The following KIFBP variants were observed in gnomAD, a reference collection of about 807,000 sequenced individuals.
KIFBP encodes the protein KIF-binding protein.
KIFBP carries 46 observed loss-of-function variants against 58.9 expected under a neutral mutation model. The ratio of observed to expected loss-of-function variants is 0.78; its 90% CI spans 0.62 to 1.00. KIFBP has a LOEUF of 1.00. KIFBP is among the 50% of genes least tolerant of loss of function. The probability of loss-of-function intolerance (pLI) is 0.00; values close to 1 mark genes in which losing one functional copy is unlikely to be tolerated. For synonymous variants in KIFBP, 241 were observed against 283.4 expected (o/e 0.85, Z 1.50); for missense variants, 651 against 752.9 (o/e 0.86, Z 1.58).
At chr10:69,001,548 A>T (rs1232274706) in intron 2 of KIFBP, among the ~76,000 whole-genome samples, 1 of 152,064 alleles carries the variant, frequency 6.6e-6, no homozygotes, top group Admixed American at 6.6e-5. Context: ...TGAGATCAGG[A>T]ATTCGAGACC....
rs1409791144 is a variant in KIFBP, at chr10:69,005,717, A to AT, written c.606-9dup. ...TAAACCATTACACAAATATTGGTTT[A>AT]TTTTTTCTTTACAGATTTGAAAAGG... On this transcript the variant is annotated splice_polypyrimidine_tract_variant and intron_variant, in intron 3 of 6. Transcript: ENST00000361983. The AT allele has an allele frequency of 4.5e-6, 7 of 1,571,088 alleles. No individual in the cohort carries two copies. Among genetic ancestry groups the AT allele is most frequent in the South Asian group, 1.1e-5 (1 of 89,614 alleles).
intron 1 of KIFBP, among the ~76,000 whole-genome samples, chr10:68,999,254 C>T (rs1018874329): frequency 6.6e-6 from 1 of 151,112 alleles, no homozygotes; most frequent in East Asian, 2.0e-4. Context: ...CACGCCACCA[C>T]TCCTGGCTAA....
At chr10:69,012,889 A>G (rs779590789) in intron 6 of KIFBP, among the ~76,000 whole-genome samples, 11 of 151,904 alleles carry the variant, frequency 7.2e-5, no homozygotes, top group Non-Finnish European at 1.5e-5. Context: ...CAAAAGAACT[A>G]CCTGAGACTG....
intron 4 of KIFBP, among the ~76,000 whole-genome samples, chr10:69,008,391 A>AATATATATATATATAT (rs1173764355): frequency 1.4e-4 from 10 of 71,568 alleles, no homozygotes; most frequent in African/African-American, 6.2e-4. Context: ...AAAAAAAAAA[A>AATATATATATATATAT]ATATATATAT....
At chr10:69,015,015 T>C (rs1242133465) in intron 6 of KIFBP, among the ~76,000 whole-genome samples, 3 of 152,048 alleles carry the variant, frequency 2.0e-5, no homozygotes, top group Non-Finnish European at 4.4e-5. Context: ...CTCTGCCTCC[T>C]GGGTTCAAGC....
At position 69,015,549 on chromosome 10, in the gene KIFBP, A is replaced by G; in HGVS notation, c.999A>G (p.Ile333Met). ...ATTTTTTTTTCCTTCAGGACAACAT[A>G]GGAGAGCTTGATCTTGATAAACAGT... ...QNAQLSMQDN[I>M]GELDLDKQSE... is the part of the protein sequence containing the mutation. The change falls in exon 7 of 7, where the codon ATA becomes ATG. Residue 333 changes from isoleucine (I) to methionine (M), a missense_variant. Coordinates refer to ENST00000361983, the MANE Select transcript of KIFBP (RefSeq NM_015634.4). 6.2e-7 allele frequency: 1 copy of G among 1,613,660 alleles called. No individual in the cohort carries two copies. The highest frequency in any genetic ancestry group is 8.5e-7 in the Non-Finnish European group (1 of 1,179,846).
Position 68,989,240 on chromosome 10 carries a change from T to C in KIFBP, c.408T>C (p.Ser136=). The change falls in exon 1 of 7, where the codon TCT becomes TCC. Residue 136 remains serine, a synonymous_variant. Coordinates refer to ENST00000361983, the MANE Select transcript of KIFBP (RefSeq NM_015634.4). ...ACCGGCTCTCGCACGACTGCATCTC[T>C]CTCTGCATCCAGGCGCAGGTGAGAG... ...RRYRLSHDCI[S]LCIQAQNNLG... 3 of 1,613,390 alleles carry C rather than the reference T, an allele frequency of 1.9e-6. No homozygotes were observed. The highest frequency in any genetic ancestry group is 1.1e-5 in the South Asian group (1 of 91,044).
intron 6 of KIFBP, 64 bp downstream of exon 6, chr10:69,011,079 GTGGGGATTGTGC>G: frequency 9.4e-7 from 1 of 1,068,524 alleles, no homozygotes; most frequent in East Asian, 2.4e-5. Context: ...AAAACTCATA[GTGGGGATTGTGC>G]TCATTGGGGT....
chr10:68,989,327 A>C, intron 1 of KIFBP, 69 bp downstream of exon 1: 1 of 1,545,624 alleles, frequency 6.5e-7, no homozygotes, highest in Non-Finnish European at 8.8e-7. Flanking sequence ...GCCCCTGCCA[A>C]GGCCAAGGGC....
At position 68,997,168 on chromosome 10, in the gene KIFBP, C is replaced by T. The variant is rs1843415996; in HGVS notation, c.427-3256C>T. On this transcript the variant is annotated intron_variant, in intron 1 of 6. Transcript: ENST00000361983. ...TTTTGAGATTGGATAGTTCTCTCCT[C>T]TATGTTACTTATGAGGTCCTTTCCA... Among the ~76,000 whole-genome samples, 3 of 152,168 alleles carry T rather than the reference C, an allele frequency of 2.0e-5. No individual in the cohort carries two copies. In the South Asian group the frequency reaches 6.2e-4, roughly 32 times the overall value.
rs138264661 is a variant in KIFBP at position 68,989,162 on chromosome 10, G to A, written c.330G>A (p.Glu110=). Residue 110 remains glutamate (E), a synonymous_variant, in exon 1 of 7, where the codon GAG becomes GAA. Coordinates refer to ENST00000361983, the MANE Select transcript of KIFBP (RefSeq NM_015634.4). ...HLGVNHIDTE[E]LSAGEEHLVK... ...GGGTGAACCACATCGACACGGAGGA[G>A]CTGTCGGCGGGGGAGGAGCACCTGG... is the stretch of plus-strand genomic sequence containing the variant. 5 of 1,613,486 alleles carry A rather than the reference G, an allele frequency of 3.1e-6. No homozygotes were observed. Among genetic ancestry groups the A allele is most frequent in the Non-Finnish European group, 4.2e-6 (5 of 1,179,760 alleles).
chr10:69,006,473 A>C (rs1011670141), intron 4 of KIFBP, among the ~76,000 whole-genome samples: 1 of 152,148 alleles, frequency 6.6e-6, no homozygotes, highest in Non-Finnish European at 1.5e-5. Context: ...TGAGCTTCTT[A>C]GTTGTTTATC....
At chr10:69,004,971 C>T in intron 2 of KIFBP, 75 bp from the exon 3 acceptor site, 2 of 986,242 alleles carry the variant, frequency 2.0e-6, no homozygotes, top group Non-Finnish European at 3.2e-6. Context: ...GTTGATTTCT[C>T]CAGGTCCTCC....
chr10:68,988,820 A>T lies in KIFBP; in HGVS notation c.-13A>T, dbSNP rs370519695. 6.2e-7 allele frequency: 1 copy of T among 1,614,278 alleles called. No homozygotes were observed. Among genetic ancestry groups the T allele is most frequent in the Non-Finnish European group, 8.5e-7 (1 of 1,180,048 alleles). ...CTGCAAACATTGAGGAAAGCCAGGC[A>T]GTAGAGGCCGCTATGGCGAACGTTC... On this transcript the variant is annotated 5_prime_UTR_variant, in exon 1 of 7. Coordinates refer to ENST00000361983, the MANE Select transcript of KIFBP (RefSeq NM_015634.4).
At chr10:68,996,346 A>C (rs1332004095) in intron 1 of KIFBP, among the ~76,000 whole-genome samples, 1 of 152,086 alleles carries the variant, frequency 6.6e-6, no homozygotes, top group Non-Finnish European at 1.5e-5. Context: ...GGATCACCTA[A>C]GGTCAGGAGT....
At chr10:68,995,041 C>T (rs966733422) in intron 1 of KIFBP, among the ~76,000 whole-genome samples, 9 of 151,820 alleles carry the variant, frequency 5.9e-5, no homozygotes, top group East Asian at 1.9e-4. Context: ...TTTTTGAAGA[C>T]GGGGTCTGGC....
In KIFBP at chr10:69,005,709, A is replaced by G. The variant is rs374404640; in HGVS notation, c.606-23A>G. The G allele has an allele frequency of 5.9e-5, 91 of 1,539,378 alleles. 2 individuals are homozygous for G. The highest frequency in any genetic ancestry group is 6.2e-5 in the Non-Finnish European group (69 of 1,113,888). Reference sequence around the variant, plus strand: ...AAAACAAGTAAACCATTACACAAATATTGGTTTATTTTTTCTTTACAGATT... The same window carrying G: ...AAAACAAGTAAACCATTACACAAATGTTGGTTTATTTTTTCTTTACAGATT... On this transcript the variant is annotated intron_variant, in intron 3 of 6. Coordinates refer to ENST00000361983, the MANE Select transcript of KIFBP (RefSeq NM_015634.4).
chr10:69,011,174 C>T (rs1589297751), intron 6 of KIFBP, 159 bp downstream of exon 6: 1 of 635,152 alleles, frequency 1.6e-6, no homozygotes, highest in East Asian at 2.9e-5. Flanking sequence ...AAATCGTATT[C>T]TTCGAATTGC....
At chr10:68,995,443 TA>T (rs1843394225) in intron 1 of KIFBP, among the ~76,000 whole-genome samples, 1 of 152,238 alleles carries the variant, frequency 6.6e-6, no homozygotes, top group South Asian at 2.1e-4. Flanking sequence ...TAGGGTGGAT[TA>T]CATTGATTTT....
Sources: allele counts gnomAD v4.1 joint callset (sites outside exome capture counted in the v4.1 genomes callset), GRCh38; gene constraint gnomAD v4.1.1; transcripts MANE v1.5; gene names NCBI Gene and HGNC (gene_info 2026-07-23, HGNC 2026-07-21).